Variants in ALCAM observed in about 807,000 individuals in gnomAD.
ALCAM encodes the protein activated leukocyte cell adhesion molecule.
In ALCAM, 30 loss-of-function variants were observed where a neutral mutation model predicts 70.9. The ratio of observed to expected loss-of-function variants is 0.42; its 90% confidence interval spans 0.32 to 0.57. The LOEUF (loss-of-function observed/expected upper bound fraction) is 0.57, where lower values mean the gene tolerates loss of function less well. Ranked by LOEUF, ALCAM falls within the 20% of genes least tolerant of loss-of-function variation. The pLI is 0.11. For synonymous variants in ALCAM, 249 were observed against 242.5 expected (o/e 1.03, Z -0.25); for missense variants, 591 against 695.1 (o/e 0.85, Z 1.68).
chr3:105,451,096 A>C (rs1937416631), intron 1 of ALCAM, among the ~76,000 whole-genome samples: 1 of 151,602 alleles, frequency 6.6e-6, no homozygotes, highest in Non-Finnish European at 1.5e-5. Context: ...GAAGTAAGTA[A>C]ACAAAATAAA....
At chr3:105,468,507 T>C (rs1937816256) in intron 1 of ALCAM, among the ~76,000 whole-genome samples, 2 of 151,330 alleles carry the variant, frequency 1.3e-5, no homozygotes, top group Admixed American at 1.3e-4. Flanking sequence ...AGAATATGCA[T>C]CATTTTGTTA....
chr3:105,410,998 C>T (rs1936374643), intron 1 of ALCAM, among the ~76,000 whole-genome samples: 5 of 151,998 alleles, frequency 3.3e-5, no homozygotes. Flanking sequence ...CCATACTTCT[C>T]CTAACCCATT....
intron 1 of ALCAM, among the ~76,000 whole-genome samples, chr3:105,382,159 A>G (rs1199764679): frequency 1.4e-5 from 2 of 137,970 alleles, no homozygotes; most frequent in Non-Finnish European, 3.0e-5. Flanking sequence ...CTCATTGTTC[A>G]ATTCCCATCT....
chr3:105,378,075 AT>A (rs1184822641), intron 1 of ALCAM, among the ~76,000 whole-genome samples: 12 of 151,992 alleles, frequency 7.9e-5, no homozygotes, highest in Non-Finnish European at 1.8e-4. Flanking sequence ...GCTTGTCAGA[AT>A]TTTGTATAAA....
intron 1 of ALCAM, among the ~76,000 whole-genome samples, chr3:105,500,401 A>G (rs1938888742): frequency 6.6e-6 from 1 of 151,946 alleles, no homozygotes; most frequent in South Asian, 2.1e-4. Context: ...GTGGGTGTTT[A>G]GATGACATTA....
intron 1 of ALCAM, among the ~76,000 whole-genome samples, chr3:105,372,304 A>AT (rs1238072450): frequency 6.6e-6 from 1 of 152,030 alleles, no homozygotes; most frequent in Non-Finnish European, 1.5e-5. Context: ...AGTTACTGAT[A>AT]TTTTCATGCA....
chr3:105,524,072 C>T (rs1456618914), intron 2 of ALCAM, among the ~76,000 whole-genome samples: 2 of 151,956 alleles, frequency 1.3e-5, no homozygotes, highest in Non-Finnish European at 2.9e-5. Context: ...AATCTGATTC[C>T]TAGAGCTCTA....
At chr3:105,533,066 T>C (rs934544089) in intron 4 of ALCAM, among the ~76,000 whole-genome samples, 4 of 152,172 alleles carry the variant, frequency 2.6e-5, no homozygotes, top group Non-Finnish European at 5.9e-5. Context: ...CTTTGTGTCA[T>C]ATTAAATTTT....
intron 8 of ALCAM, among the ~76,000 whole-genome samples, chr3:105,543,589 T>C: frequency 6.6e-6 from 1 of 151,684 alleles, no homozygotes; most frequent in African/African-American, 2.4e-5. Flanking sequence ...TTCTTGCACA[T>C]GTTTGCAGAA....
chr3:105,438,231 A>C (rs1937093100), intron 1 of ALCAM, among the ~76,000 whole-genome samples: 2 of 152,034 alleles, frequency 1.3e-5, no homozygotes, highest in South Asian at 4.2e-4. Flanking sequence ...TATAGTCTAC[A>C]CTATATGTTT....
At chr3:105,523,748 A>G (rs745525154) in intron 2 of ALCAM, among the ~76,000 whole-genome samples, 8 of 152,208 alleles carry the variant, frequency 5.3e-5, no homozygotes, top group Non-Finnish European at 5.9e-5. Flanking sequence ...GGACATAATT[A>G]TTTTACAAGG....
At chr3:105,513,151 C>T (rs757209840) in intron 1 of ALCAM, among the ~76,000 whole-genome samples, 5 of 146,620 alleles carry the variant, frequency 3.4e-5, no homozygotes, top group Non-Finnish European at 7.5e-5. Flanking sequence ...TTAAGTTTAT[C>T]ACCACTTAAG....
At chr3:105,513,970 GC>G (rs978646505) in intron 1 of ALCAM, among the ~76,000 whole-genome samples, 13 of 152,050 alleles carry the variant, frequency 8.5e-5, no homozygotes, top group African/African-American at 3.1e-4. Context: ...GTCACTCAGT[GC>G]TTCTCATGCA....
At chr3:105,440,286 G>T (rs1937143477) in intron 1 of ALCAM, among the ~76,000 whole-genome samples, 1 of 152,210 alleles carries the variant, frequency 6.6e-6, no homozygotes. Flanking sequence ...CTCCTAGGAG[G>T]TGGCACTTGA....
intron 1 of ALCAM, among the ~76,000 whole-genome samples, chr3:105,437,326 A>T (rs924422397): frequency 9.9e-5 from 15 of 152,228 alleles, no homozygotes; most frequent in African/African-American, 2.2e-4. Context: ...AACCGATATC[A>T]TCTATTATAA....
At chr3:105,409,109 C>A (rs1936322384) in intron 1 of ALCAM, among the ~76,000 whole-genome samples, 1 of 152,006 alleles carries the variant, frequency 6.6e-6, no homozygotes, top group Non-Finnish European at 1.5e-5. Context: ...GGAATGTAAA[C>A]TAGTACAACC....
chr3:105,486,675 G>A (rs1304386573), intron 1 of ALCAM, among the ~76,000 whole-genome samples: 1 of 152,002 alleles, frequency 6.6e-6, no homozygotes, highest in Non-Finnish European at 1.5e-5. Context: ...CCACAGAACA[G>A]AATACATATA....
intron 3 of ALCAM, among the ~76,000 whole-genome samples, chr3:105,528,379 G>A (rs1939760196): frequency 6.6e-6 from 1 of 152,038 alleles, no homozygotes. Flanking sequence ...ATTTCTTTCT[G>A]ACCACTCCCC....
At chr3:105,486,705 A>G (rs558941759) in intron 1 of ALCAM, among the ~76,000 whole-genome samples, 2 of 152,242 alleles carry the variant, frequency 1.3e-5, no homozygotes, top group East Asian at 3.9e-4. Flanking sequence ...AAATTAATTC[A>G]TTAGATAGGG....
Sources: allele counts gnomAD v4.1 joint callset (sites outside exome capture counted in the v4.1 genomes callset), GRCh38; gene constraint gnomAD v4.1.1; transcripts MANE v1.5; gene names NCBI Gene and HGNC (gene_info 2026-07-23, HGNC 2026-07-21).